The following POFUT3 variants were observed in gnomAD, a reference collection of about 807,000 sequenced individuals.
POFUT3 encodes GDP-fucose protein O-fucosyltransferase 3.
At chr8:33,350,105 G>T in the POFUT3 span, among the ~76,000 whole-genome samples, 1 of 151,944 alleles carries the variant, frequency 6.6e-6, no homozygotes, top group Non-Finnish European at 1.5e-5. Flanking sequence ...TTTGAGAATT[G>T]TCTATTCATG....
the POFUT3 span, among the ~76,000 whole-genome samples, chr8:33,310,425 T>C: frequency 6.6e-6 from 1 of 151,996 alleles, no homozygotes; most frequent in Non-Finnish European, 1.5e-5. Flanking sequence ...ACAATAAAAA[T>C]CCCCAGCCGG....
the POFUT3 span, among the ~76,000 whole-genome samples, chr8:33,351,223 T>C: frequency 2.0e-5 from 3 of 152,160 alleles, no homozygotes; most frequent in Non-Finnish European, 2.9e-5. Flanking sequence ...CCAAAAGTGC[T>C]GGGGTTACAG....
At chr8:33,364,428 C>T in the POFUT3 span, among the ~76,000 whole-genome samples, 1 of 152,058 alleles carries the variant, frequency 6.6e-6, no homozygotes, top group Non-Finnish European at 1.5e-5. Flanking sequence ...CCAGGGCAAT[C>T]GGGCAAGAGA....
At chr8:33,337,933 T>C in the POFUT3 span, among the ~76,000 whole-genome samples, 9 of 152,222 alleles carry the variant, frequency 5.9e-5, no homozygotes, top group South Asian at 2.1e-4. Context: ...CATTCTCACT[T>C]TGTTCTCACT....
At chr8:33,460,361 A>C in the POFUT3 span, among the ~76,000 whole-genome samples, 2 of 152,192 alleles carry the variant, frequency 1.3e-5, no homozygotes, top group African/African-American at 4.8e-5. Context: ...GTCTCAAAAA[A>C]TAATAAATAA....
At chr8:33,367,858 A>C in the POFUT3 span, among the ~76,000 whole-genome samples, 5 of 151,644 alleles carry the variant, frequency 3.3e-5, no homozygotes, top group Admixed American at 3.3e-4. Flanking sequence ...TACATACAGT[A>C]ATGGTTTTTA....
At chr8:33,459,240 T>G in the POFUT3 span, among the ~76,000 whole-genome samples, 11 of 152,048 alleles carry the variant, frequency 7.2e-5, no homozygotes, top group Non-Finnish European at 1.3e-4. Flanking sequence ...CTCAGGAGGC[T>G]GAGGCAGGAG....
chr8:33,327,277 G>GA, the POFUT3 span, among the ~76,000 whole-genome samples: 2 of 152,000 alleles, frequency 1.3e-5, no homozygotes, highest in Non-Finnish European at 2.9e-5. Flanking sequence ...TCAGGGTCAG[G>GA]AAAAAAGTCA....
At chr8:33,391,697 G>T in the POFUT3 span, among the ~76,000 whole-genome samples, 4 of 152,182 alleles carry the variant, frequency 2.6e-5, no homozygotes, top group African/African-American at 9.7e-5. Flanking sequence ...AAGGCCATTT[G>T]CCTGGGAGAG....
the POFUT3 span, among the ~76,000 whole-genome samples, chr8:33,437,606 T>G: frequency 6.6e-6 from 1 of 151,778 alleles, no homozygotes; most frequent in African/African-American, 2.4e-5. Context: ...AGGTCAGGAG[T>G]TTGAGACCAG....
chr8:33,309,408 C>T, the POFUT3 span, among the ~76,000 whole-genome samples: 7 of 149,792 alleles, frequency 4.7e-5, no homozygotes, highest in African/African-American at 1.5e-4. Context: ...CCGCACAAAA[C>T]AGTCACCTGA....
At chr8:33,335,487 A>G in the POFUT3 span, among the ~76,000 whole-genome samples, 17 of 152,350 alleles carry the variant, frequency 1.1e-4, no homozygotes, top group East Asian at 3.1e-3. Context: ...GTGAAACAAC[A>G]AAGATATATG....
the POFUT3 span, among the ~76,000 whole-genome samples, chr8:33,465,711 A>C: frequency 6.6e-6 from 1 of 151,970 alleles, no homozygotes; most frequent in South Asian, 2.1e-4. Flanking sequence ...GAACACCTCA[A>C]ATGATCCACC....
chr8:33,460,829 T>A, the POFUT3 span: 1 of 755,080 alleles, frequency 1.3e-6, no homozygotes, highest in Non-Finnish European at 1.6e-6. Flanking sequence ...CAGAGGTTTT[T>A]TACTGGGAGG....
chr8:33,460,791 A>AG, the POFUT3 span: 1 of 982,244 alleles, frequency 1.0e-6, no homozygotes, highest in Non-Finnish European at 1.2e-6. Flanking sequence ...AAAGGGGGGC[A>AG]GGGGGTGAAT....
chr8:33,365,370 C>T, the POFUT3 span, among the ~76,000 whole-genome samples: 10 of 152,114 alleles, frequency 6.6e-5, no homozygotes, highest in East Asian at 1.9e-4. Context: ...ATGACTAAAA[C>T]GCTAAAAGCA....
the POFUT3 span, among the ~76,000 whole-genome samples, chr8:33,439,293 C>T: frequency 1.3e-5 from 2 of 152,114 alleles, no homozygotes; most frequent in East Asian, 1.9e-4. Flanking sequence ...ATCCCAGCTA[C>T]TCGAGAGGCT....
chr8:33,375,775 C>T, the POFUT3 span, among the ~76,000 whole-genome samples: 1 of 151,798 alleles, frequency 6.6e-6, no homozygotes, highest in African/African-American at 2.4e-5. Context: ...CCAGCACTTT[C>T]GGAGGCCAAG....
chr8:33,429,455 T>C, the POFUT3 span, among the ~76,000 whole-genome samples: 214 of 152,346 alleles, frequency 1.4e-3, no homozygotes, highest in Non-Finnish European at 2.0e-3. Context: ...GTTTGACTAA[T>C]GTAAAATCAA....
Sources: allele counts gnomAD v4.1 joint callset (sites outside exome capture counted in the v4.1 genomes callset), GRCh38; gene constraint gnomAD v4.1.1; transcripts MANE v1.5; gene names NCBI Gene and HGNC (gene_info 2026-07-23, HGNC 2026-07-21).